The following UGT2A1 variants were observed in gnomAD, a reference collection of about 807,000 sequenced individuals.
The protein encoded by UGT2A1 is UDP glucuronosyltransferase family 2 member A1 complex locus.
UGT2A1 carries 61 observed loss-of-function variants against 45.4 expected under a neutral mutation model. That is an observed-to-expected ratio of 1.34 (90% confidence interval 1.09 to 1.66). UGT2A1 has a LOEUF of 1.66. UGT2A1 is among the 40% of genes most tolerant of loss of function. The pLI is 0.00. For synonymous variants in UGT2A1, 229 were observed against 196.2 expected (o/e 1.17, Z -1.40); for missense variants, 649 against 574.3 (o/e 1.13, Z -1.33).
At position 69,589,287 on chromosome 4, in the gene UGT2A1, AC is replaced by A; in HGVS notation, c.*84del. On this transcript the variant is annotated 3_prime_UTR_variant, in exon 7 of 7. Coordinates refer to ENST00000286604, the MANE Select transcript of UGT2A1 (RefSeq NM_001252275.3). Reference sequence around the variant, plus strand: ...AGGATGGGAGACGTGTTTTTGTTAAACTCCTTTTGTCTGGAATTAATAGGAC... The same window carrying A: ...AGGATGGGAGACGTGTTTTTGTTAAATCCTTTTGTCTGGAATTAATAGGAC... The A allele has an allele frequency of 1.4e-6, 2 of 1,405,734 alleles. No homozygotes were observed. The highest frequency in any genetic ancestry group is 1.9e-6 in the Non-Finnish European group (2 of 1,071,370). 87.1% of individuals were successfully genotyped at this position (1,405,734 alleles called of 1,614,324 possible). A position where few individuals can be genotyped will look rare whatever the true frequency, so the allele number is the denominator to read the frequency against.
At chr4:69,596,762 T>G (rs553586893) in intron 4 of UGT2A1, among the ~76,000 whole-genome samples, 1 of 152,172 alleles carries the variant, frequency 6.6e-6, no homozygotes, top group African/African-American at 2.4e-5. Context: ...CCTCCAGTGA[T>G]CCACCTGCCT....
At chr4:69,596,261 T>C in intron 4 of UGT2A1, 1 of 1,580,334 alleles carries the variant, frequency 6.3e-7, no homozygotes, top group Non-Finnish European at 8.6e-7. Flanking sequence ...TTCTGTGGAA[T>C]CTGGGCAAGG....
chr4:69,619,981 A>G (rs1720648260), intron 3 of UGT2A1, among the ~76,000 whole-genome samples: 1 of 152,046 alleles, frequency 6.6e-6, no homozygotes, highest in African/African-American at 2.4e-5. Context: ...GAAGAAACAT[A>G]CCTCAAAATA....
At chr4:69,631,321 TTTTTA>T (rs1721373376) in intron 3 of UGT2A1, among the ~76,000 whole-genome samples, 1 of 152,120 alleles carries the variant, frequency 6.6e-6, no homozygotes, top group South Asian at 2.1e-4. Context: ...AATTTTTATG[TTTTTA>T]TTTTATCATA....
Position 69,599,413 on chromosome 4 carries a change from G to C in UGT2A1, c.848-19C>G. 1 of 1,610,298 alleles carries C rather than the reference G, an allele frequency of 6.2e-7. No homozygotes were observed. Among genetic ancestry groups the C allele is most frequent in the Non-Finnish European group, 8.5e-7 (1 of 1,179,118 alleles). On this transcript the variant is annotated intron_variant, in intron 3 of 6. Transcript: ENST00000286604. Reference sequence around the variant, plus strand: ...GGTCTTCCTGGAGAAAATGTAACAAGTTGGATGGAGGAAATTAGCTTATAT... The same window carrying C: ...GGTCTTCCTGGAGAAAATGTAACAACTTGGATGGAGGAAATTAGCTTATAT...
rs750770233 is a variant in UGT2A1 at position 69,589,551 on chromosome 4, T to G, written c.1405A>C (p.Lys469Gln). The G allele has an allele frequency of 5.0e-6, 8 of 1,614,050 alleles. No homozygotes were observed. The East Asian group carries it at 1.6e-4, about 31-fold the overall frequency. The stretch of plus-strand genomic sequence containing the variant: ...GCAACCCGAAGGTGCTTGGCTCCTT[T>G]GTGGCGCATGACAAACTCGATCCAG... ...VFWIEFVMRH[K>Q]GAKHLRVAAH... Residue 469 changes from lysine to glutamine, a missense_variant, in exon 7 of 7, where the codon AAA (lysine) becomes CAA (glutamine). Coordinates refer to ENST00000286604, the MANE Select transcript of UGT2A1 (RefSeq NM_001252275.3).
intron 3 of UGT2A1, among the ~76,000 whole-genome samples, chr4:69,616,758 T>C (rs1720415083): frequency 6.6e-6 from 1 of 151,728 alleles, no homozygotes; most frequent in African/African-American, 2.4e-5. Context: ...TCCATTTAGT[T>C]GGAACTGTAG....
intron 1 of UGT2A1, among the ~76,000 whole-genome samples, chr4:69,648,599 C>A (rs1252317360): frequency 1.3e-5 from 2 of 151,876 alleles, no homozygotes; most frequent in Non-Finnish European, 2.9e-5. Context: ...AATTATGGAT[C>A]TTTTATAATT....
rs754846960 is a variant in UGT2A1, at chr4:69,594,538, G to T, written c.1243C>A (p.Leu415Ile). The change falls in exon 6 of 7, where the codon CTA (leucine) becomes ATA (isoleucine). Residue 415 changes from leucine (L) to isoleucine (I), a missense_variant. Transcript: ENST00000286604. ...KAKGAAVEVNLNTMTSVDLLS... is the reference protein window; with the variant it reads ...KAKGAAVEVNINTMTSVDLLS... ...AAATCCACACTTGTCATTGTGTTTA[G>T]GTTCACTTCCACAGCTGCTCCTTTG... 4 of 1,614,124 alleles carry T rather than the reference G, an allele frequency of 2.5e-6. No homozygotes were observed. The South Asian group carries it at 4.4e-5, about 18-fold the overall frequency.
chr4:69,594,758 G>A (rs998221757), intron 5 of UGT2A1, 62 bp from the exon 6 acceptor site: 1 of 1,534,822 alleles, frequency 6.5e-7, no homozygotes, highest in African/African-American at 1.4e-5. Context: ...GAATTTGAGA[G>A]ACAGAAGGGG....
In UGT2A1 at chr4:69,605,114, A is replaced by G. The variant is rs1440587904; in HGVS notation, c.848-5720T>C. Among the ~76,000 whole-genome samples the G allele has an allele frequency of 7.3e-5, 10 of 137,236 alleles. 3 individuals are homozygous for G. Among genetic ancestry groups the G allele is most frequent in the Non-Finnish European group, 1.4e-4 (9 of 64,428 alleles). 90.0% of individuals were successfully genotyped at this position (137,236 alleles called of 152,430 possible). On this transcript the variant is annotated intron_variant, in intron 3 of 6. Transcript: ENST00000286604. Reference sequence around the variant, plus strand: ...ATTATCCACCCCAAATCAACAGAATATACATTCTTCTCAGCACCACACCGC... The same window carrying G: ...ATTATCCACCCCAAATCAACAGAATGTACATTCTTCTCAGCACCACACCGC...
chr4:69,609,684 A>C (rs1719914465), intron 3 of UGT2A1, among the ~76,000 whole-genome samples: 1 of 127,654 alleles, frequency 7.8e-6, no homozygotes, highest in Admixed American at 7.5e-5. Context: ...ACCTATACCC[A>C]CACCTATACC....
At chr4:69,634,161 C>G (rs191697470) in intron 3 of UGT2A1, among the ~76,000 whole-genome samples, 1 of 152,006 alleles carries the variant, frequency 6.6e-6, no homozygotes, top group Non-Finnish European at 1.5e-5. Flanking sequence ...AGGAGAATGG[C>G]GTGAACCCGG....
At chr4:69,639,294 A>G (rs778350945) in intron 2 of UGT2A1, 24 of 1,613,736 alleles carry the variant, frequency 1.5e-5, no homozygotes, top group Non-Finnish European at 2.0e-5. Context: ...TTCTTTGTAG[A>G]AAGCCCATAT....
At chr4:69,620,410 T>C (rs1205535240) in intron 3 of UGT2A1, among the ~76,000 whole-genome samples, 1 of 132,424 alleles carries the variant, frequency 7.6e-6, no homozygotes, top group African/African-American at 3.0e-5. Flanking sequence ...TGCCTAGGAA[T>C]ACAGCTAACC....
intron 2 of UGT2A1, among the ~76,000 whole-genome samples, chr4:69,641,629 T>C (rs994909004): frequency 6.6e-6 from 1 of 151,898 alleles, no homozygotes; most frequent in African/African-American, 2.4e-5. Flanking sequence ...TTAGATGTAC[T>C]TTTAGTTTTT....
At chr4:69,644,277 GGTAAA>G (rs1722159997) in intron 2 of UGT2A1, among the ~76,000 whole-genome samples, 1 of 151,596 alleles carries the variant, frequency 6.6e-6, no homozygotes, top group Admixed American at 6.6e-5. Flanking sequence ...TGCCAGCCTA[GGTAAA>G]GTAAACTAGT....
intron 3 of UGT2A1, among the ~76,000 whole-genome samples, chr4:69,610,874 CA>C (rs1719994501): frequency 2.6e-5 from 4 of 152,194 alleles, no homozygotes; most frequent in Admixed American, 2.6e-4. Flanking sequence ...AGCACTGCTA[CA>C]GCTACACACC....
chr4:69,648,369 C>T (rs1234480183), intron 1 of UGT2A1, among the ~76,000 whole-genome samples: 2 of 151,268 alleles, frequency 1.3e-5, no homozygotes, highest in African/African-American at 2.4e-5. Context: ...ATAGGTAATG[C>T]TAGTAGTGAA....
Sources: allele counts gnomAD v4.1 joint callset (sites outside exome capture counted in the v4.1 genomes callset), GRCh38; gene constraint gnomAD v4.1.1; transcripts MANE v1.5; gene names NCBI Gene and HGNC (gene_info 2026-07-23, HGNC 2026-07-21).